The following SLC41A1 variants were observed in gnomAD, a reference collection of about 807,000 sequenced individuals.
SLC41A1 encodes the protein solute carrier family 41 (magnesium transporter), member 1.
In SLC41A1, 20 loss-of-function variants were observed where a neutral mutation model predicts 47.3. The observed-to-expected ratio is 0.42, with a 90% CI of 0.30 to 0.61. The LOEUF is 0.61. Among genes scored for constraint, SLC41A1 ranks in the 20% least tolerant of loss-of-function variants. The pLI is 0.17. For synonymous variants in SLC41A1, 282 were observed against 272.7 expected, an observed-to-expected ratio of 1.03 and a Z score of -0.34; for missense variants, 504 against 674.1, an observed-to-expected ratio of 0.75 and a Z score of 2.79.
rs111927920 is a variant in SLC41A1, at chr1:205,792,613, A to G, written c.1357-895T>C. ...TGAGTCAGAGTCCGCATTTAACAAG[A>G]TTTACATGCGCTTTTAAGTTGGCGA... On this transcript the variant is annotated intron_variant, in intron 10 of 10. Transcript: ENST00000367137. Among the ~76,000 whole-genome samples, 294 of 152,252 alleles carry G rather than the reference A, an allele frequency of 1.9e-3. 1 individual carries two copies. Among genetic ancestry groups the G allele is most frequent in the African/African-American group, 6.4e-3 (265 of 41,524 alleles).
Position 205,810,260 on chromosome 1 carries a change from C to T in SLC41A1, c.182G>A (p.Arg61Gln), listed in dbSNP as rs777929982. 1.2e-5 allele frequency: 19 copies of T among 1,614,088 alleles called. No homozygotes were observed. The highest frequency in any genetic ancestry group is 4.0e-5 in the African/African-American group (3 of 74,936). Residue 61 changes from arginine to glutamine, a missense_variant, in exon 2 of 11, where the codon CGG becomes CAG. Physicochemically the swap from Arg to Gln is conservative, Grantham distance 43. Transcript: ENST00000367137. The surrounding 1 kb of genome is among the most constrained non-coding windows in gnomAD (Gnocchi z 5.5). ...GTTCTCCAGCAGGGCGTCCTCCTCC[C>T]GAACCCCCTTGGCGTTGGCCCGAGA... Reference protein sequence around the residue: ...IESRANAKGVREEDALLENGS... With the variant: ...IESRANAKGVQEEDALLENGS...
intron 2 of SLC41A1, among the ~76,000 whole-genome samples, chr1:205,807,800 G>A (rs1450564735): frequency 6.6e-6 from 1 of 150,890 alleles, no homozygotes; most frequent in Non-Finnish European, 1.5e-5. Context: ...GGAATTATAC[G>A]AGAATGCCAC....
intron 2 of SLC41A1, among the ~76,000 whole-genome samples, chr1:205,806,042 G>C (rs918641385): frequency 1.3e-5 from 2 of 152,244 alleles, no homozygotes; most frequent in Non-Finnish European, 2.9e-5. Context: ...TGATCTTTTA[G>C]GGTAAGGACT....
At chr1:205,804,054 A>G (rs564108701) in intron 2 of SLC41A1, among the ~76,000 whole-genome samples, 1 of 152,334 alleles carries the variant, frequency 6.6e-6, no homozygotes, top group South Asian at 2.1e-4. Flanking sequence ...GATCTGTTGT[A>G]CAATGAGGTG....
Position 205,791,619 on chromosome 1 carries a change from C to T in SLC41A1, c.1456G>A (p.Gly486Arg). The change falls in exon 11 of 11, where the codon GGG becomes AGG. Residue 486 changes from glycine to arginine, a missense_variant. Around this residue, in one of 2 missense-constraint regions of SLC41A1, gnomAD observed 421 missense variants for 601.6 expected, o/e 0.70. Coordinates refer to ENST00000367137, the MANE Select transcript of SLC41A1 (RefSeq NM_173854.6). The surrounding 1 kb of genome is among the most constrained non-coding windows in gnomAD (Gnocchi z 4.0). ...NFSIPYLTAL[G>R]DLLGTGLLAL... ...AGGAGCCCAGTGCCAAGCAGGTCCC[C>T]CAGAGCAGTCAAGTATGGGATGGAG... 6.2e-7 allele frequency: 1 copy of T among 1,614,142 alleles called. No homozygotes were observed. Among genetic ancestry groups the T allele is most frequent in the Non-Finnish European group, 8.5e-7 (1 of 1,180,032 alleles).
In SLC41A1 at chr1:205,791,133, T is replaced by C. The variant is rs76336704; in HGVS notation, c.*400A>G. 5 of 279,796 alleles carry C rather than the reference T, an allele frequency of 1.8e-5. No homozygotes were observed. Among genetic ancestry groups the C allele is most frequent in the African/African-American group, 1.1e-4 (5 of 45,022 alleles). 17.3% of individuals were successfully genotyped at this position (279,796 alleles called of 1,614,324 possible). A position where few individuals can be genotyped will look rare whatever the true frequency, so the allele number is the denominator to read the frequency against. On this transcript the variant is annotated 3_prime_UTR_variant, in exon 11 of 11. Transcript: ENST00000367137. This position sits in a 1 kb window ranked among gnomAD's most constrained non-coding sequence, Gnocchi z 4.0. ...AAAACCAAAAATAAAACAAAACAGA[T>C]AAAAAGAAAACAAAACCAAAAATCC...
intron 8 of SLC41A1, chr1:205,795,703 C>T (rs1273057582): frequency 1.6e-6 from 1 of 621,532 alleles, no homozygotes; most frequent in East Asian, 2.8e-5. Context: ...CCTCCCCCAT[C>T]CTCCCCTCTA....
intron 1 of SLC41A1, among the ~76,000 whole-genome samples, chr1:205,812,059 CA>C (rs1656169207): frequency 6.6e-6 from 1 of 152,200 alleles, no homozygotes; most frequent in Non-Finnish European, 1.5e-5. Context: ...GCACTTGCTC[CA>C]AATGCATCTC....
At chr1:205,799,735 C>A in intron 4 of SLC41A1, 24 bp downstream of exon 4, 2 of 1,613,376 alleles carry the variant, frequency 1.2e-6, no homozygotes, top group Non-Finnish European at 1.7e-6. Flanking sequence ...CTTAGCCCAC[C>A]CTCTCTGGTC....
chr1:205,791,707 G>A lies in SLC41A1; in HGVS notation c.1368C>T (p.Leu456=). ...GCACCATCCAGTCTGCGATGTACAG[G>A]AGAATCAGCACCTGGGGAGACAAAA... ...MTAALLQVLI[L]LYIADWMVHW... is the part of the protein sequence containing the mutation. The change falls in exon 11 of 11, where the codon CTC becomes CTT. Residue 456 remains leucine, a synonymous_variant. Coordinates refer to ENST00000367137, the MANE Select transcript of SLC41A1 (RefSeq NM_173854.6). The surrounding 1 kb of genome is among the most constrained non-coding windows in gnomAD (Gnocchi z 4.0). 1 of 1,613,734 alleles carries A rather than the reference G, an allele frequency of 6.2e-7. No homozygotes were observed. The highest frequency in any genetic ancestry group is 8.5e-7 in the Non-Finnish European group (1 of 1,180,016).
In SLC41A1 at chr1:205,813,171, C is replaced by G; in HGVS notation, c.-1010G>C. The stretch of plus-strand genomic sequence containing the variant: ...GACTCGGGCCCAACTGGTTGGCTGC[C>G]GGTGGCAAACGTGATCTGGGGCAGA... On this transcript the variant is annotated 5_prime_UTR_variant, in exon 1 of 11. Transcript: ENST00000367137. 3 of 985,470 alleles carry G rather than the reference C, an allele frequency of 3.0e-6. No homozygotes were observed. Among genetic ancestry groups the G allele is most frequent in the Non-Finnish European group, 3.6e-6 (3 of 829,976 alleles). The allele number at this position is 985,470 out of a possible 1,614,324, so 61.0% of individuals were successfully genotyped here.
At chr1:205,795,075 A>G in intron 9 of SLC41A1, 57 bp from the exon 10 acceptor site, 1 of 1,604,010 alleles carries the variant, frequency 6.2e-7, no homozygotes, top group Admixed American at 1.7e-5. Context: ...CTGGCCCCAG[A>G]AGGCCTTTCA....
intron 9 of SLC41A1, 43 bp from the exon 10 acceptor site, chr1:205,795,061 A>G (rs1243641118): frequency 6.2e-7 from 1 of 1,609,142 alleles, no homozygotes; most frequent in South Asian, 1.1e-5. Flanking sequence ...GGGGAGGAGA[A>G]GACCTGGCCC....
chr1:205,812,421 C>T (rs1333217908), intron 1 of SLC41A1, among the ~76,000 whole-genome samples: 1 of 152,172 alleles, frequency 6.6e-6, no homozygotes. Context: ...CCTCTGAGTC[C>T]AGTGCCCCTA....
chr1:205,803,242 T>C (rs823070), intron 2 of SLC41A1, among the ~76,000 whole-genome samples: 128,954 of 152,064 alleles, frequency 0.85, 55,802 homozygotes, highest in Non-Finnish European at 0.94. Context: ...GTGCAGCTGC[T>C]ATGAAAAACA....
Position 205,797,930 on chromosome 1 carries a change from A to C in SLC41A1, c.966T>G (p.Pro322=). The C allele has an allele frequency of 6.2e-7, 1 of 1,613,784 alleles. No homozygotes were observed. Among genetic ancestry groups the C allele is most frequent in the South Asian group, 1.1e-5 (1 of 91,048 alleles). ...TREVLYSGWE[P]VIIAMAISSV... is the part of the protein sequence containing the mutation. The stretch of plus-strand genomic sequence containing the variant: ...TGCTGATGGCCATGGCAATGATAAC[A>C]GGCTCCCAGCCCGAGTACAACACCT... The change falls in exon 7 of 11, where the codon CCT becomes CCG. Residue 322 remains proline (P), a synonymous_variant. Coordinates refer to ENST00000367137, the MANE Select transcript of SLC41A1 (RefSeq NM_173854.6).
chr1:205,806,965 T>C (rs144751363), intron 2 of SLC41A1, among the ~76,000 whole-genome samples: 1 of 152,052 alleles, frequency 6.6e-6, no homozygotes, highest in Non-Finnish European at 1.5e-5. Flanking sequence ...CAAGGAGACA[T>C]CTGAACCAGG....
intron 10 of SLC41A1, among the ~76,000 whole-genome samples, chr1:205,792,053 G>A (rs1655638802): frequency 6.6e-6 from 1 of 152,192 alleles, no homozygotes; most frequent in Non-Finnish European, 1.5e-5. Flanking sequence ...CAGCCCTCTT[G>A]CCTCTAACTC....
At chr1:205,812,254 G>A (rs1002542868) in intron 1 of SLC41A1, among the ~76,000 whole-genome samples, 1 of 152,228 alleles carries the variant, frequency 6.6e-6, no homozygotes, top group African/African-American at 2.4e-5. Context: ...AATTAGTCAA[G>A]TTCAGTTTAG....
Sources: gnomAD v4.1 joint callset for allele counts (sites outside exome capture counted in the v4.1 genomes callset) on GRCh38, gnomAD v4.1.1 for gene constraint, gnomAD v4.1.1 regional missense constraint, Gnocchi (gnomAD v3.1) non-coding constraint, MANE v1.5 for transcripts, NCBI Gene and HGNC (gene_info 2026-07-23, HGNC 2026-07-21) for gene names.